Variants in CARMIL1 observed in about 807,000 individuals in gnomAD.
CARMIL1 encodes F-actin-uncapping protein LRRC16A.
A neutral mutation model predicts 177.1 loss-of-function variants in CARMIL1; 90 were observed. The observed-to-expected ratio is 0.51, with a 90% CI of 0.43 to 0.61. The LOEUF (loss-of-function observed/expected upper bound fraction) is 0.61, where lower values mean the gene tolerates loss of function less well. Ranked by LOEUF, CARMIL1 falls within the 20% of genes least tolerant of loss-of-function variation. The probability of loss-of-function intolerance (pLI) is 0.00; values close to 1 mark genes in which losing one functional copy is unlikely to be tolerated. For synonymous variants in CARMIL1, 577 were observed against 606.2 expected, an observed-to-expected ratio of 0.95 and a Z score of 0.71; for missense variants, 1,380 against 1,667.0, an observed-to-expected ratio of 0.83 and a Z score of 3.00.
intron 24 of CARMIL1, among the ~76,000 whole-genome samples, chr6:25,531,407 T>C (rs1807751943): frequency 6.6e-6 from 1 of 152,224 alleles, no homozygotes; most frequent in Admixed American, 6.5e-5. Flanking sequence ...ACTGTATAGA[T>C]AGGCATAGAG....
At chr6:25,440,141 T>G (rs187487898) in intron 5 of CARMIL1, among the ~76,000 whole-genome samples, 3 of 152,324 alleles carry the variant, frequency 2.0e-5, no homozygotes, top group African/African-American at 7.2e-5. Flanking sequence ...TGTTGGGTGA[T>G]GTACCATGGG....
At chr6:25,345,151 C>T (rs139262940) in intron 2 of CARMIL1, among the ~76,000 whole-genome samples, 76 of 152,228 alleles carry the variant, frequency 5.0e-4, no homozygotes, top group Non-Finnish European at 4.0e-4. Flanking sequence ...TTGCCGAAGC[C>T]CATGGTCAGG....
At chr6:25,369,374 A>ATTTTTTTATT (rs1364472995) in intron 2 of CARMIL1, among the ~76,000 whole-genome samples, 3 of 96,008 alleles carry the variant, frequency 3.1e-5, no homozygotes, top group Non-Finnish European at 2.1e-5. Context: ...GCAATGCTGT[A>ATTTTTTTATT]TTTTGTTTTT....
chr6:25,356,264 A>T (rs1788602219), intron 2 of CARMIL1, among the ~76,000 whole-genome samples: 1 of 151,926 alleles, frequency 6.6e-6, no homozygotes, highest in Non-Finnish European at 1.5e-5. Flanking sequence ...TCACCTTGTT[A>T]GCCAGGATGG....
intron 13 of CARMIL1, among the ~76,000 whole-genome samples, chr6:25,490,998 A>G (rs1803172152): frequency 6.6e-6 from 1 of 152,206 alleles, no homozygotes. Flanking sequence ...GGGAGCTTGG[A>G]CTCAGCTTGT....
chr6:25,373,257 G>A (rs547353083), intron 2 of CARMIL1, among the ~76,000 whole-genome samples: 7 of 151,936 alleles, frequency 4.6e-5, no homozygotes, highest in African/African-American at 1.4e-4. Context: ...TTGGTATCAG[G>A]GTGATATTGG....
At chr6:25,410,065 A>T (rs1445053710) in intron 2 of CARMIL1, among the ~76,000 whole-genome samples, 2 of 151,982 alleles carry the variant, frequency 1.3e-5, no homozygotes, top group Non-Finnish European at 2.9e-5. Context: ...AATGGTGTTA[A>T]ATCTAAATCA....
At chr6:25,302,568 T>A (rs931229538) in intron 2 of CARMIL1, among the ~76,000 whole-genome samples, 1 of 152,234 alleles carries the variant, frequency 6.6e-6, no homozygotes, top group Non-Finnish European at 1.5e-5. Context: ...CACAGAATAT[T>A]TGCCCAGTAA....
chr6:25,374,457 T>G (rs954568607), intron 2 of CARMIL1, among the ~76,000 whole-genome samples: 4 of 152,230 alleles, frequency 2.6e-5, no homozygotes, highest in African/African-American at 9.6e-5. Flanking sequence ...ATGATGTGTC[T>G]TGGAGAATGG....
chr6:25,348,836 G>C (rs1038520481), intron 2 of CARMIL1, among the ~76,000 whole-genome samples: 1 of 151,964 alleles, frequency 6.6e-6, no homozygotes, highest in African/African-American at 2.4e-5. Flanking sequence ...TCCAATTTTT[G>C]GTGAATCAGT....
At chr6:25,307,802 G>C (rs1220398117) in intron 2 of CARMIL1, among the ~76,000 whole-genome samples, 1 of 152,220 alleles carries the variant, frequency 6.6e-6, no homozygotes, top group Non-Finnish European at 1.5e-5. Context: ...GGACCACTCT[G>C]CAGGCATCTA....
chr6:25,442,611 T>C (rs1336227098), intron 5 of CARMIL1, among the ~76,000 whole-genome samples: 1 of 151,948 alleles, frequency 6.6e-6, no homozygotes, highest in Non-Finnish European at 1.5e-5. Flanking sequence ...CTGTGCACAG[T>C]GTTAGCATAG....
At chr6:25,566,250 A>G (rs1369386338) in intron 29 of CARMIL1, among the ~76,000 whole-genome samples, 1 of 152,230 alleles carries the variant, frequency 6.6e-6, no homozygotes, top group African/African-American at 2.4e-5. Context: ...AAGGTGTCAA[A>G]TCCTCTGATA....
intron 24 of CARMIL1, among the ~76,000 whole-genome samples, chr6:25,532,003 T>A (rs1204473297): frequency 6.6e-6 from 1 of 152,100 alleles, no homozygotes; most frequent in Non-Finnish European, 1.5e-5. Context: ...ACTCCTCACC[T>A]CAAGTGATCC....
At chr6:25,556,654 C>T in intron 28 of CARMIL1, 47 bp from the exon 29 acceptor site, 2 of 1,567,556 alleles carry the variant, frequency 1.3e-6, no homozygotes, top group Non-Finnish European at 1.7e-6. Context: ...CTAACCAGCA[C>T]TTTCTCTGTA....
At chr6:25,610,859 T>C (rs929287611) in intron 36 of CARMIL1, among the ~76,000 whole-genome samples, 173 of 152,340 alleles carry the variant, frequency 1.1e-3, no homozygotes, top group African/African-American at 3.9e-3. Context: ...CCATTTCTTT[T>C]AAATGTGTGA....
intron 2 of CARMIL1, among the ~76,000 whole-genome samples, chr6:25,395,955 A>G (rs925797683): frequency 9.2e-5 from 14 of 152,190 alleles, no homozygotes; most frequent in African/African-American, 3.1e-4. Flanking sequence ...GATCTTGCGT[A>G]CAGTTTCTGT....
chr6:25,586,811 AGGCGTGGC>A (rs1358368368), intron 31 of CARMIL1, among the ~76,000 whole-genome samples: 1 of 152,076 alleles, frequency 6.6e-6, no homozygotes, highest in Non-Finnish European at 1.5e-5. Context: ...AAAACCAGTC[AGGCGTGGC>A]GGCGCGCGCC....
At chr6:25,304,835 A>G (rs1239665514) in intron 2 of CARMIL1, among the ~76,000 whole-genome samples, 1 of 152,240 alleles carries the variant, frequency 6.6e-6, no homozygotes, top group African/African-American at 2.4e-5. Flanking sequence ...TACTGTCAAG[A>G]ACTTAAAACT....
Sources: gnomAD v4.1 joint callset for allele counts (sites outside exome capture counted in the v4.1 genomes callset) on GRCh38, gnomAD v4.1.1 for gene constraint, MANE v1.5 for transcripts, NCBI Gene and HGNC (gene_info 2026-07-23, HGNC 2026-07-21) for gene names.